The following TP63 variants were observed in gnomAD, a reference collection of about 807,000 sequenced individuals.
The protein encoded by TP63 is tumor protein p63.
Under a neutral mutation model 82.8 loss-of-function variants are expected in TP63, and 17 were observed. The observed-to-expected ratio is 0.21, with a 90% confidence interval of 0.14 to 0.31. The LOEUF is 0.31. Ranked by LOEUF, TP63 falls within the 10% of genes least tolerant of loss-of-function variation. The pLI, the probability that TP63 is intolerant of heterozygous loss-of-function variation, is 1.00. For synonymous variants in TP63, 330 were observed against 321.7 expected (o/e 1.03, Z -0.28); for missense variants, 648 against 895.3 (o/e 0.72, Z 3.52).
At chr3:189,688,704 C>T (rs997386352) in intron 1 of TP63, among the ~76,000 whole-genome samples, 4 of 152,278 alleles carry the variant, frequency 2.6e-5, no homozygotes, top group African/African-American at 9.6e-5. Context: ...TATCTGGCTT[C>T]ACCAGTCACA....
At chr3:189,786,806 ATTTC>A (rs1455896589) in intron 3 of TP63, among the ~76,000 whole-genome samples, 1 of 151,984 alleles carries the variant, frequency 6.6e-6, no homozygotes, top group Non-Finnish European at 1.5e-5. Flanking sequence ...AAATCCTTGC[ATTTC>A]TTTATTTATC....
intron 1 of TP63, among the ~76,000 whole-genome samples, chr3:189,659,679 C>T (rs1713702969): frequency 6.6e-6 from 1 of 152,040 alleles, no homozygotes. Context: ...TTCCCACCAA[C>T]AGTGTATAAG....
intron 3 of TP63, among the ~76,000 whole-genome samples, chr3:189,742,894 A>AT (rs1454927516): frequency 2.6e-5 from 4 of 152,312 alleles, no homozygotes; most frequent in African/African-American, 9.6e-5. Context: ...AGAGAAGGTA[A>AT]TTTTTTTATT....
the TP63 span, among the ~76,000 whole-genome samples, chr3:189,600,709 C>T: frequency 6.6e-6 from 1 of 152,134 alleles, no homozygotes; most frequent in Non-Finnish European, 1.5e-5. Flanking sequence ...TCCTTACTAC[C>T]AGGCCAGTAC....
intron 4 of TP63, among the ~76,000 whole-genome samples, chr3:189,863,854 A>G (rs1476483189): frequency 6.6e-6 from 1 of 152,204 alleles, no homozygotes. Flanking sequence ...GTTGTTTAAT[A>G]TCACTCAGTA....
intron 1 of TP63, among the ~76,000 whole-genome samples, chr3:189,642,226 T>G (rs536816154): frequency 6.6e-6 from 1 of 152,306 alleles, no homozygotes; most frequent in Non-Finnish European, 1.5e-5. Context: ...AACTAGGACT[T>G]CCGTATTAAC....
At chr3:189,889,866 C>T (rs1417936176) in intron 12 of TP63, among the ~76,000 whole-genome samples, 1 of 152,160 alleles carries the variant, frequency 6.6e-6, no homozygotes, top group Non-Finnish European at 1.5e-5. Flanking sequence ...CTCTCTAATC[C>T]TTATAGCTCT....
upstream of TP63, among the ~76,000 whole-genome samples, chr3:189,629,851 A>G (rs183417881): frequency 4.6e-5 from 7 of 152,300 alleles, no homozygotes; most frequent in Middle Eastern, 3.4e-3. Context: ...TAGGTCATCT[A>G]TATTTGCTAA....
chr3:189,890,152 G>A (rs184038800), intron 12 of TP63, among the ~76,000 whole-genome samples: 1 of 152,202 alleles, frequency 6.6e-6, no homozygotes, highest in African/African-American at 2.4e-5. Context: ...GTTTCATTTG[G>A]CTACTGGAAC....
chr3:189,863,223 T>C (rs755795324), intron 4 of TP63, among the ~76,000 whole-genome samples: 33 of 152,148 alleles, frequency 2.2e-4, no homozygotes, highest in Non-Finnish European at 4.1e-4. Context: ...GGTGCCCCAC[T>C]CTTGGCCAGC....
chr3:189,838,921 A>G (rs76303197), intron 4 of TP63, among the ~76,000 whole-genome samples: 28,264 of 150,884 alleles, frequency 0.19, 3,212 homozygotes, highest in Non-Finnish European at 0.27. Context: ...TTATCTCATT[A>G]TTGTTCACTT....
chr3:189,840,058 G>T (rs922533951), intron 4 of TP63, among the ~76,000 whole-genome samples: 1 of 152,186 alleles, frequency 6.6e-6, no homozygotes, highest in Non-Finnish European at 1.5e-5. Context: ...AAAGAACTTA[G>T]CGAAGTGCCT....
At chr3:189,693,555 G>T (rs1377233795) in intron 1 of TP63, among the ~76,000 whole-genome samples, 1 of 152,090 alleles carries the variant, frequency 6.6e-6, no homozygotes, top group Non-Finnish European at 1.5e-5. Flanking sequence ...GGAGTGCTTC[G>T]TATACTAAAA....
At chr3:189,663,926 T>C (rs1409377454) in intron 1 of TP63, among the ~76,000 whole-genome samples, 2 of 152,182 alleles carry the variant, frequency 1.3e-5, no homozygotes, top group Non-Finnish European at 2.9e-5. Flanking sequence ...TTAAGCTTAG[T>C]GTTAGGTGCC....
intron 1 of TP63, among the ~76,000 whole-genome samples, chr3:189,661,969 A>G (rs1713923347): frequency 6.6e-6 from 1 of 151,778 alleles, no homozygotes; most frequent in Admixed American, 6.6e-5. Flanking sequence ...TTTCTTTGTT[A>G]ATCTAGCTAG....
intron 3 of TP63, among the ~76,000 whole-genome samples, chr3:189,768,673 G>A (rs866081977): frequency 5.3e-5 from 8 of 152,022 alleles, no homozygotes; most frequent in Admixed American, 2.0e-4. Flanking sequence ...AATATCTCCC[G>A]CTGTACATTG....
chr3:189,610,969 G>C, the TP63 span, among the ~76,000 whole-genome samples: 1 of 152,124 alleles, frequency 6.6e-6, no homozygotes, highest in African/African-American at 2.4e-5. Context: ...GATCTCCTGA[G>C]ACTTATTTGC....
intron 1 of TP63, among the ~76,000 whole-genome samples, chr3:189,736,384 G>C (rs201568151): frequency 1.3e-5 from 2 of 151,988 alleles, no homozygotes; most frequent in African/African-American, 2.4e-5. Context: ...TTCCATTATA[G>C]TGTTTTGTTT....
At chr3:189,681,877 C>CA (rs761806562) in intron 1 of TP63, among the ~76,000 whole-genome samples, 1 of 152,044 alleles carries the variant, frequency 6.6e-6, no homozygotes, top group Non-Finnish European at 1.5e-5. Flanking sequence ...GGGAACCAGG[C>CA]AATCACCTTT....
Sources: allele counts gnomAD v4.1 joint callset (sites outside exome capture counted in the v4.1 genomes callset), GRCh38; gene constraint gnomAD v4.1.1; transcripts MANE v1.5; gene names NCBI Gene and HGNC (gene_info 2026-07-23, HGNC 2026-07-21).